CNBD1: variants seen among roughly 807,000 people sequenced by gnomAD.
CNBD1 encodes cyclic nucleotide-binding domain-containing protein 1.
CNBD1 carries 71 observed loss-of-function variants against 54.4 expected under a neutral mutation model. The observed-to-expected ratio is 1.30, with a 90% CI of 1.08 to 1.59. The LOEUF (loss-of-function observed/expected upper bound fraction) is 1.59. CNBD1 is among the 40% of genes most tolerant of loss of function. CNBD1 has a pLI of 0.00. For missense variants in CNBD1, 659 were observed against 518.0 expected, an observed-to-expected ratio of 1.27 and a Z score of -2.64; for synonymous variants, 182 against 170.7, an observed-to-expected ratio of 1.07 and a Z score of -0.51.
chr8:86,948,384 A>G (rs1462581562), intron 4 of CNBD1, among the ~76,000 whole-genome samples: 1 of 152,112 alleles, frequency 6.6e-6, no homozygotes, highest in Non-Finnish European at 1.5e-5. Flanking sequence ...AACAGTATAC[A>G]AGGGTTCCCT....
downstream of CNBD1, among the ~76,000 whole-genome samples, chr8:87,383,105 AATTT>A (rs1029783986): frequency 7.2e-5 from 11 of 151,998 alleles, no homozygotes; most frequent in African/African-American, 2.7e-4. Context: ...CTTGGTTCCA[AATTT>A]ATTTGAGAAC....
At chr8:87,086,073 T>A (rs921010841) in intron 4 of CNBD1, among the ~76,000 whole-genome samples, 1 of 152,200 alleles carries the variant, frequency 6.6e-6, no homozygotes, top group African/African-American at 2.4e-5. Context: ...ATTTCAGCAA[T>A]GGGTCTCTCA....
chr8:87,395,261 T>C (rs1811388400), intron 2 of CNBD1, among the ~76,000 whole-genome samples: 1 of 151,900 alleles, frequency 6.6e-6, no homozygotes, highest in Non-Finnish European at 1.5e-5. Context: ...GTTATGAGGA[T>C]ACATAGCTTC....
At chr8:87,077,679 G>A (rs987502598) in intron 4 of CNBD1, among the ~76,000 whole-genome samples, 11 of 150,916 alleles carry the variant, frequency 7.3e-5, no homozygotes, top group African/African-American at 2.4e-4. Context: ...TTGGTTTTCT[G>A]TCATAGCGAG....
chr8:87,341,943 A>G (rs1262042628), intron 8 of CNBD1, among the ~76,000 whole-genome samples: 2 of 152,222 alleles, frequency 1.3e-5, no homozygotes, highest in Non-Finnish European at 2.9e-5. Flanking sequence ...ACTCAGATAC[A>G]GAAGCCTCTT....
chr8:87,007,630 C>T (rs557586785), intron 4 of CNBD1, among the ~76,000 whole-genome samples: 119 of 151,964 alleles, frequency 7.8e-4, no homozygotes, highest in African/African-American at 2.8e-3. Context: ...TTTTAATTTT[C>T]TTTCAGCAGA....
At chr8:87,383,617 C>A (rs1307903896), downstream of CNBD1, among the ~76,000 whole-genome samples, 2 of 152,004 alleles carry the variant, frequency 1.3e-5, no homozygotes, top group East Asian at 1.9e-4. Context: ...TAATGTGTTT[C>A]TTTCTACTAG....
intron 6 of CNBD1, among the ~76,000 whole-genome samples, chr8:87,267,872 C>T (rs1319602483): frequency 6.6e-6 from 1 of 151,966 alleles, no homozygotes; most frequent in Non-Finnish European, 1.5e-5. Context: ...GAATATGGAG[C>T]AAAAATAAAA....
chr8:86,933,369 A>T (rs1037268372), intron 3 of CNBD1, among the ~76,000 whole-genome samples: 2 of 152,168 alleles, frequency 1.3e-5, no homozygotes, highest in Non-Finnish European at 2.9e-5. Flanking sequence ...CTCCCCCCAA[A>T]GTCTTTGTGG....
chr8:87,404,449 T>A (rs1393981898), intron 2 of CNBD1, among the ~76,000 whole-genome samples: 1 of 152,002 alleles, frequency 6.6e-6, no homozygotes, highest in Non-Finnish European at 1.5e-5. Context: ...TGAGTTTCAT[T>A]TCCTGAACTT....
rs191296768 is a variant in CNBD1 at position 86,919,801 on chromosome 8, T to C, written c.272+14607T>C. ...GCTGTCAAAGTGACTTTCAATAAACTTCAGATTAGTGTTTTTCAAACTTTA... is the reference window on the plus strand; with the variant it reads ...GCTGTCAAAGTGACTTTCAATAAACCTCAGATTAGTGTTTTTCAAACTTTA... On this transcript the variant is annotated intron_variant, in intron 3 of 10. Coordinates refer to ENST00000518476, the MANE Select transcript of CNBD1 (RefSeq NM_173538.3). Among the ~76,000 whole-genome samples the C allele has an allele frequency of 1.1e-4, 17 of 152,282 alleles. No homozygotes were observed. In the East Asian group the frequency reaches 3.3e-3, roughly 29 times the overall value.
chr8:86,961,996 C>T (rs911206542), intron 4 of CNBD1, among the ~76,000 whole-genome samples: 9 of 152,134 alleles, frequency 5.9e-5, no homozygotes, highest in South Asian at 2.1e-4. Context: ...TCTAGGAAAA[C>T]ATGCAGGCAG....
At chr8:87,275,380 C>T (rs1485709033) in intron 6 of CNBD1, among the ~76,000 whole-genome samples, 1 of 151,714 alleles carries the variant, frequency 6.6e-6, no homozygotes, top group Non-Finnish European at 1.5e-5. Context: ...TGGCCATTTT[C>T]ACGATATTGA....
chr8:87,208,423 A>G (rs1438986156), intron 5 of CNBD1, among the ~76,000 whole-genome samples: 1 of 151,854 alleles, frequency 6.6e-6, no homozygotes, highest in Non-Finnish European at 1.5e-5. Flanking sequence ...ATATTACTAT[A>G]TATGAGTACT....
intron 10 of CNBD1, among the ~76,000 whole-genome samples, chr8:87,359,628 T>C (rs1810490002): frequency 6.6e-6 from 1 of 152,104 alleles, no homozygotes; most frequent in Non-Finnish European, 1.5e-5. Context: ...TGCTATATCC[T>C]ATCTCCATCT....
chr8:87,248,292 A>T (rs1329391083), intron 6 of CNBD1, among the ~76,000 whole-genome samples: 1 of 152,192 alleles, frequency 6.6e-6, no homozygotes, highest in Non-Finnish European at 1.5e-5. Flanking sequence ...CTAGCTGAAA[A>T]AGGAACTTAT....
chr8:87,348,398 A>G (rs1198260765), intron 8 of CNBD1, among the ~76,000 whole-genome samples: 1 of 152,180 alleles, frequency 6.6e-6, no homozygotes. Flanking sequence ...TAACCAAGTT[A>G]TTTCTTAACA....
intron 3 of CNBD1, among the ~76,000 whole-genome samples, chr8:86,917,080 C>T (rs1412053488): frequency 6.6e-6 from 1 of 151,834 alleles, no homozygotes. Context: ...CCATGTTGGC[C>T]AGGCTGGTCT....
intron 6 of CNBD1, among the ~76,000 whole-genome samples, chr8:87,242,860 G>T (rs2130831520): frequency 6.6e-6 from 1 of 152,120 alleles, no homozygotes; most frequent in East Asian, 1.9e-4. Context: ...TATTCTTAAT[G>T]GGAATAAATC....
Sources: allele counts gnomAD v4.1 joint callset (sites outside exome capture counted in the v4.1 genomes callset), GRCh38; gene constraint gnomAD v4.1.1; transcripts MANE v1.5; gene names NCBI Gene and HGNC (gene_info 2026-07-23, HGNC 2026-07-21).